The following DDX10 variants were observed in gnomAD, a reference collection of about 807,000 sequenced individuals.
The protein encoded by DDX10 is probable ATP-dependent RNA helicase DDX10.
A neutral mutation model predicts 104.3 loss-of-function variants in DDX10; 74 were observed. That is an observed-to-expected ratio of 0.71 (90% CI 0.59 to 0.86). The LOEUF is 0.86. DDX10 is among the 40% of genes least tolerant of loss of function. The pLI is 0.00. For missense variants in DDX10, 952 were observed against 1,040.0 expected (o/e 0.92, Z 1.16); for synonymous variants, 351 against 353.4 (o/e 0.99, Z 0.08).
At chr11:108,831,021 T>A (rs1239900367) in intron 13 of DDX10, among the ~76,000 whole-genome samples, 1 of 150,720 alleles carries the variant, frequency 6.6e-6, no homozygotes, top group Middle Eastern at 3.2e-3. Context: ...CATAAACAAG[T>A]TCTATTAGAG....
At chr11:108,837,221 G>T (rs1204510091) in intron 13 of DDX10, among the ~76,000 whole-genome samples, 1 of 152,206 alleles carries the variant, frequency 6.6e-6, no homozygotes, top group Non-Finnish European at 1.5e-5. Flanking sequence ...CAGAGGTTAG[G>T]TAATGGTAAC....
intron 13 of DDX10, among the ~76,000 whole-genome samples, chr11:108,752,382 T>C (rs1402503743): frequency 6.6e-6 from 1 of 152,144 alleles, no homozygotes; most frequent in Non-Finnish European, 1.5e-5. Flanking sequence ...TTGGTGTTCT[T>C]TTCACTTTCT....
At chr11:108,853,345 T>C (rs1242600847) in intron 16 of DDX10, among the ~76,000 whole-genome samples, 1 of 152,230 alleles carries the variant, frequency 6.6e-6, no homozygotes, top group African/African-American at 2.4e-5. Flanking sequence ...ATATTGCATG[T>C]TCAGCATAAA....
At chr11:108,894,986 G>A (rs1863422019) in intron 16 of DDX10, among the ~76,000 whole-genome samples, 1 of 151,798 alleles carries the variant, frequency 6.6e-6, no homozygotes, top group Admixed American at 6.6e-5. Flanking sequence ...CATTTGCTCT[G>A]TTCTATATTT....
intron 16 of DDX10, among the ~76,000 whole-genome samples, chr11:108,856,435 AAAAC>A (rs746802323): frequency 5.3e-5 from 8 of 152,108 alleles, no homozygotes; most frequent in East Asian, 1.9e-4. Flanking sequence ...TGTCTCAAAC[AAAAC>A]AAACAAACAA....
At chr11:108,881,185 T>C (rs1231568967) in intron 16 of DDX10, among the ~76,000 whole-genome samples, 2 of 152,176 alleles carry the variant, frequency 1.3e-5, no homozygotes, top group Admixed American at 1.3e-4. Context: ...AGTCAAAAGC[T>C]TGTAGCTTAA....
At chr11:108,757,537 C>T (rs1382288560) in intron 13 of DDX10, among the ~76,000 whole-genome samples, 1 of 152,062 alleles carries the variant, frequency 6.6e-6, no homozygotes, top group Non-Finnish European at 1.5e-5. Flanking sequence ...AAGGGATTTC[C>T]TGTAAAAGCA....
chr11:108,685,517 A>G (rs973394443), intron 6 of DDX10, among the ~76,000 whole-genome samples: 24 of 152,272 alleles, frequency 1.6e-4, no homozygotes, highest in African/African-American at 5.1e-4. Context: ...TGGGAGCTGT[A>G]GACCGGAGCT....
chr11:108,869,648 C>A (rs1863054613), intron 16 of DDX10, among the ~76,000 whole-genome samples: 1 of 151,662 alleles, frequency 6.6e-6, no homozygotes, highest in African/African-American at 2.4e-5. Flanking sequence ...ACTTCAAAAT[C>A]TTTTTTTTGA....
intron 13 of DDX10, among the ~76,000 whole-genome samples, chr11:108,725,627 T>A (rs1336533313): frequency 1.3e-5 from 2 of 152,136 alleles, no homozygotes; most frequent in Non-Finnish European, 2.9e-5. Flanking sequence ...TCTTCAAGTC[T>A]TTTGTCTCTC....
intron 6 of DDX10, among the ~76,000 whole-genome samples, chr11:108,687,612 C>G (rs954169354): frequency 1.3e-5 from 2 of 152,164 alleles, no homozygotes; most frequent in African/African-American, 2.4e-5. Context: ...CTCCTTCCCC[C>G]TTTTAAAATT....
chr11:108,699,526 A>G (rs540602052), intron 9 of DDX10, among the ~76,000 whole-genome samples: 1 of 152,114 alleles, frequency 6.6e-6, no homozygotes, highest in Non-Finnish European at 1.5e-5. Context: ...GGTCTTCTTC[A>G]CAGGATAGCC....
intron 9 of DDX10, among the ~76,000 whole-genome samples, chr11:108,701,605 A>G (rs996678303): frequency 6.6e-6 from 1 of 151,136 alleles, no homozygotes; most frequent in Non-Finnish European, 1.5e-5. Context: ...GCTAATAGCT[A>G]ATAGTACAAC....
intron 16 of DDX10, among the ~76,000 whole-genome samples, chr11:108,887,649 T>C (rs1345694724): frequency 6.6e-6 from 1 of 151,060 alleles, no homozygotes; most frequent in African/African-American, 2.4e-5. Flanking sequence ...ATGCAGTGGC[T>C]CATTCCTATA....
At chr11:108,864,689 G>T (rs1785935793) in intron 16 of DDX10, among the ~76,000 whole-genome samples, 1 of 151,970 alleles carries the variant, frequency 6.6e-6, no homozygotes, top group Non-Finnish European at 1.5e-5. Flanking sequence ...CGAACTCCTG[G>T]ACTCACGTGA....
At chr11:108,886,374 C>T (rs563981037) in intron 16 of DDX10, among the ~76,000 whole-genome samples, 1 of 152,298 alleles carries the variant, frequency 6.6e-6, no homozygotes, top group East Asian at 1.9e-4. Flanking sequence ...AAACTCAGAG[C>T]TTTTAGCTCT....
In DDX10 at chr11:108,814,340, T is replaced by A. The variant is rs530878642; in HGVS notation, c.1966-24106T>A. Among the ~76,000 whole-genome samples the A allele has an allele frequency of 3.3e-5, 5 of 152,320 alleles. No individual in the cohort carries two copies. The South Asian group carries it at 1.0e-3, about 32-fold the overall frequency. ...CTCTATTTGTAACCATGCCATTTTT[T>A]TCATTTTTAATTAACATAATTTGTG... On this transcript the variant is annotated intron_variant, in intron 13 of 17. Coordinates refer to ENST00000322536, the MANE Select transcript of DDX10 (RefSeq NM_004398.4).
At chr11:108,764,611 G>A (rs2094354318) in intron 13 of DDX10, among the ~76,000 whole-genome samples, 1 of 152,224 alleles carries the variant, frequency 6.6e-6, no homozygotes, top group Admixed American at 6.5e-5. Context: ...AGAGGCTACA[G>A]TGAGCTGAGA....
At chr11:108,891,247 T>C (rs1411783564) in intron 16 of DDX10, among the ~76,000 whole-genome samples, 2 of 152,184 alleles carry the variant, frequency 1.3e-5, no homozygotes, top group African/African-American at 4.8e-5. Flanking sequence ...AACTAATCTT[T>C]TGGTTTTTCC....
Sources: allele counts gnomAD v4.1 joint callset (sites outside exome capture counted in the v4.1 genomes callset), GRCh38; gene constraint gnomAD v4.1.1; transcripts MANE v1.5; gene names NCBI Gene and HGNC (gene_info 2026-07-23, HGNC 2026-07-21).